Variants in CTNNA2 observed in about 807,000 individuals in gnomAD.
The protein encoded by CTNNA2 is catenin alpha 2, also known as catenin alpha-2.
A neutral mutation model predicts 101.0 loss-of-function variants in CTNNA2; 42 were observed. The observed-to-expected ratio is 0.42, with a 90% CI of 0.32 to 0.54. The LOEUF is 0.54. Ranked by LOEUF, CTNNA2 falls within the 20% of genes least tolerant of loss-of-function variation. The pLI is 0.14. For missense variants in CTNNA2, 871 were observed against 1,223.1 expected, an observed-to-expected ratio of 0.71 and a Z score of 4.29; for synonymous variants, 450 against 456.4, an observed-to-expected ratio of 0.99 and a Z score of 0.18.
intron 7 of CTNNA2, among the ~76,000 whole-genome samples, chr2:80,242,617 T>G (rs568631691): frequency 6.6e-4 from 100 of 152,336 alleles, no homozygotes; most frequent in African/African-American, 2.4e-3. Context: ...CTTTCCATTT[T>G]GCGCTGCAGC....
At chr2:80,019,265 T>A (rs1364518692) in intron 7 of CTNNA2, among the ~76,000 whole-genome samples, 1 of 152,158 alleles carries the variant, frequency 6.6e-6, no homozygotes, top group African/African-American at 2.4e-5. Context: ...ACTGGGTGAT[T>A]TGAATAATTT....
intron 9 of CTNNA2, among the ~76,000 whole-genome samples, chr2:80,496,116 A>G (rs1020885595): frequency 1.7e-4 from 26 of 152,092 alleles, no homozygotes; most frequent in African/African-American, 4.6e-4. Context: ...GGACTCTCCT[A>G]TAGGTTTCGG....
chr2:79,791,087 G>A (rs1369239735), intron 3 of CTNNA2, among the ~76,000 whole-genome samples: 1 of 151,912 alleles, frequency 6.6e-6, no homozygotes, highest in Non-Finnish European at 1.5e-5. Flanking sequence ...GAATAGATTG[G>A]GCACAGATAT....
chr2:80,542,664 A>C lies in CTNNA2; in HGVS notation c.1291-2318A>C, dbSNP rs553133512. ...TCATATTGTTGTGCTAAACTCTAGCAATTATTCACTGTTTGCAAAAGTGTG... is the reference window on the plus strand; with the variant it reads ...TCATATTGTTGTGCTAAACTCTAGCCATTATTCACTGTTTGCAAAAGTGTG... On this transcript the variant is annotated intron_variant, in intron 9 of 18. Transcript: ENST00000402739. Among the ~76,000 whole-genome samples, 4 of 152,228 alleles carry C rather than the reference A, an allele frequency of 2.6e-5. No homozygotes were observed. In the South Asian group the frequency reaches 8.3e-4, roughly 32 times the overall value.
chr2:79,474,279 A>C (rs1046213356), intron 4 of CTNNA2, among the ~76,000 whole-genome samples: 2 of 152,210 alleles, frequency 1.3e-5, no homozygotes, highest in African/African-American at 4.8e-5. Flanking sequence ...TGAATAAACA[A>C]ATCTTAGCAC....
In CTNNA2 at chr2:79,706,584, T is replaced by C. The variant is rs146802353; in HGVS notation, c.103-37803T>C. On this transcript the variant is annotated intron_variant, in intron 2 of 18. Transcript: ENST00000402739. ...ATCATCTTTAAGGAGAAAAGGTATG[T>C]CCAGATACTTTATGTCTCTGAAAGA... 5.0e-4 allele frequency among the ~76,000 whole-genome samples: 76 copies of C among 152,232 alleles called. No homozygotes were observed. In the East Asian group the frequency reaches 0.013, roughly 25 times the overall value.
intron 2 of CTNNA2, among the ~76,000 whole-genome samples, chr2:79,277,015 A>G (rs1332130567): frequency 6.6e-6 from 1 of 152,072 alleles, no homozygotes; most frequent in Non-Finnish European, 1.5e-5. Context: ...AGTAAGACCC[A>G]TCCACCGAGT....
intron 4 of CTNNA2, among the ~76,000 whole-genome samples, chr2:79,469,523 A>G (rs1012314462): frequency 2.6e-5 from 4 of 152,200 alleles, no homozygotes; most frequent in African/African-American, 9.6e-5. Context: ...TCCCTAACTC[A>G]TTTTATGAGG....
At chr2:79,771,994 C>G (rs1281085742) in intron 3 of CTNNA2, among the ~76,000 whole-genome samples, 1 of 149,442 alleles carries the variant, frequency 6.7e-6, no homozygotes, top group African/African-American at 2.5e-5. Context: ...TAAGTTAACC[C>G]CCCCTCCTCC....
At chr2:79,213,470 T>C (rs1044727104) in intron 2 of CTNNA2, among the ~76,000 whole-genome samples, 3 of 152,186 alleles carry the variant, frequency 2.0e-5, no homozygotes, top group African/African-American at 7.2e-5. Flanking sequence ...AGGCAACTAG[T>C]TCGGCTTGCT....
chr2:79,801,718 A>T (rs1187983953), intron 3 of CTNNA2, among the ~76,000 whole-genome samples: 2 of 152,140 alleles, frequency 1.3e-5, no homozygotes, highest in Non-Finnish European at 2.9e-5. Flanking sequence ...TGGGCCAGGC[A>T]TGGTGGCTCA....
At chr2:79,432,043 A>G (rs953384427) in intron 4 of CTNNA2, among the ~76,000 whole-genome samples, 1 of 152,198 alleles carries the variant, frequency 6.6e-6, no homozygotes, top group Non-Finnish European at 1.5e-5. Flanking sequence ...GAGATGAGGA[A>G]GCTTCTTGAT....
chr2:80,320,419 A>G (rs1238227532), intron 7 of CTNNA2, among the ~76,000 whole-genome samples: 1 of 152,218 alleles, frequency 6.6e-6, no homozygotes, highest in Non-Finnish European at 1.5e-5. Flanking sequence ...TGACTTCAGC[A>G]GCTCTTGTAC....
chr2:79,700,014 G>A (rs1684900662), intron 2 of CTNNA2, among the ~76,000 whole-genome samples: 1 of 151,076 alleles, frequency 6.6e-6, no homozygotes, highest in Admixed American at 6.6e-5. Context: ...AGGGCAAGAT[G>A]CTGCCAGGAA....
At chr2:79,466,711 C>A (rs565946398) in intron 4 of CTNNA2, among the ~76,000 whole-genome samples, 14 of 152,342 alleles carry the variant, frequency 9.2e-5, no homozygotes, top group African/African-American at 3.1e-4. Context: ...GCAACATTTG[C>A]TGTTCAGCAA....
chr2:79,527,288 C>T (rs1049028154), intron 1 of CTNNA2, among the ~76,000 whole-genome samples: 1 of 151,650 alleles, frequency 6.6e-6, no homozygotes, highest in African/African-American at 2.4e-5. Flanking sequence ...AGTGAATGCA[C>T]ATCAAAACCG....
chr2:79,285,129 T>C (rs1332358756), intron 2 of CTNNA2, among the ~76,000 whole-genome samples: 2 of 151,406 alleles, frequency 1.3e-5, no homozygotes, highest in South Asian at 2.1e-4. Context: ...TTTTTTATTG[T>C]GTCTATTTGA....
chr2:79,567,507 T>C (rs562379113), intron 1 of CTNNA2, among the ~76,000 whole-genome samples: 1 of 152,186 alleles, frequency 6.6e-6, no homozygotes, highest in East Asian at 1.9e-4. Flanking sequence ...TAGACTACCC[T>C]TCCCTTATTT....
chr2:79,308,529 T>C (rs1325896773), intron 2 of CTNNA2, among the ~76,000 whole-genome samples: 1 of 152,236 alleles, frequency 6.6e-6, no homozygotes, highest in Non-Finnish European at 1.5e-5. Context: ...TTGTTTATTT[T>C]TGCTTTTGTT....
Sources: gnomAD v4.1 joint callset for allele counts (sites outside exome capture counted in the v4.1 genomes callset) on GRCh38, gnomAD v4.1.1 for gene constraint, MANE v1.5 for transcripts, NCBI Gene and HGNC (gene_info 2026-07-23, HGNC 2026-07-21) for gene names.